The following FHL2 variants were observed in gnomAD, a reference collection of about 807,000 sequenced individuals.
FHL2 encodes four and a half LIM domains protein 2.
Under a neutral mutation model 32.7 loss-of-function variants are expected in FHL2, and 20 were observed. The ratio of observed to expected loss-of-function variants is 0.61; its 90% CI spans 0.43 to 0.89. The LOEUF is 0.89. Among genes scored for constraint, FHL2 ranks in the 40% least tolerant of loss-of-function variants. FHL2 has a pLI of 0.00. For synonymous variants in FHL2, 123 were observed against 128.1 expected, an observed-to-expected ratio of 0.96 and a Z score of 0.27; for missense variants, 311 against 358.6, an observed-to-expected ratio of 0.87 and a Z score of 1.07.
rs756076159 is a variant in FHL2 at position 105,363,377 on chromosome 2, C to T, written c.596G>A (p.Arg199His). 2.6e-5 allele frequency: 42 copies of T among 1,613,972 alleles called. No individual in the cohort carries two copies. Among genetic ancestry groups the T allele is most frequent in the East Asian group, 1.1e-4 (5 of 44,888 alleles). ...TACRKQLSGQ[R>H]FTARDDFAYC... ...GGCAAAGTCATCGCGAGCTGTGAAG[C>T]GCTGCCCAGACAGCTGCTTCCTGCA... The change falls in exon 6 of 7, where the codon CGC becomes CAC. Residue 199 changes from arginine to histidine, a missense_variant. Physicochemically the swap from Arg to His is conservative, Grantham distance 29. Transcript: ENST00000530340.
intron 1 of FHL2, 96 bp downstream of exon 1, chr2:105,398,746 C>G (rs1683321870): frequency 9.3e-7 from 1 of 1,079,282 alleles, no homozygotes; most frequent in Non-Finnish European, 1.2e-6. Flanking sequence ...CGGGTCTACC[C>G]CACAGCTCAA....
At chr2:105,430,670 C>G (rs1023350401) in intron 1 of FHL2, among the ~76,000 whole-genome samples, 1 of 152,150 alleles carries the variant, frequency 6.6e-6, no homozygotes, top group African/African-American at 2.4e-5. Flanking sequence ...CTCCATCTAA[C>G]AAAACCCTAG....
At chr2:105,361,703 AT>A (rs1680276577) in intron 6 of FHL2, among the ~76,000 whole-genome samples, 1 of 152,192 alleles carries the variant, frequency 6.6e-6, no homozygotes. Context: ...TGTATTTGTT[AT>A]GTGTTTTCCC....
intron 1 of FHL2, among the ~76,000 whole-genome samples, chr2:105,408,288 A>T (rs2104651915): frequency 6.6e-6 from 1 of 152,266 alleles, no homozygotes; most frequent in African/African-American, 2.4e-5. Context: ...CGTATTTTGG[A>T]TGTATAAATA....
rs1345700660 is a variant in FHL2, at chr2:105,438,482, GC to G, written c.-109del. On this transcript the variant is annotated 5_prime_UTR_variant, in exon 1 of 6. Coordinates refer to the FHL2 transcript ENST00000393352. ...TGCAGGCGGACTGCCTGGTTGGATG[GC>G]CCCAACCTTCTGTGCAGCTGCCAGC... 11 of 985,436 alleles carry G rather than the reference GC, an allele frequency of 1.1e-5. No individual in the cohort carries two copies. In the African/African-American group the frequency reaches 1.7e-4, roughly 16 times the overall value. The allele number at this position is 985,436 out of a possible 1,614,324, so 61.0% of individuals were successfully genotyped here.
At chr2:105,390,030 C>T (rs12328750) in intron 2 of FHL2, 11,312 of 152,142 alleles carry the variant, frequency 0.074, 542 homozygotes, top group African/African-American at 0.13. Context: ...AGATTGAGAC[C>T]ATCCTGGCTA....
intron 2 of FHL2, among the ~76,000 whole-genome samples, chr2:105,394,682 A>AT (rs1558712795): frequency 6.6e-6 from 1 of 152,230 alleles, no homozygotes; most frequent in Non-Finnish European, 1.5e-5. Flanking sequence ...AAATTGTTGG[A>AT]TTTTAAACAA....
At chr2:105,400,077 C>CT (rs1252108847), upstream of FHL2, among the ~76,000 whole-genome samples, 1 of 152,208 alleles carries the variant, frequency 6.6e-6, no homozygotes, top group Non-Finnish European at 1.5e-5. Context: ...ATCACCTTAG[C>CT]TTCCACTCGG....
chr2:105,372,914 G>T (rs1466201176), intron 4 of FHL2, among the ~76,000 whole-genome samples: 1 of 152,124 alleles, frequency 6.6e-6, no homozygotes. Flanking sequence ...TAAAATAAAA[G>T]ATTCTGCTCT....
intron 1 of FHL2, among the ~76,000 whole-genome samples, chr2:105,425,065 T>C (rs1684217614): frequency 6.6e-6 from 1 of 152,148 alleles, no homozygotes; most frequent in Admixed American, 6.5e-5. Context: ...TCACTGTGTC[T>C]ATGTAGAAAG....
chr2:105,412,079 G>T (rs1683810427), intron 1 of FHL2, among the ~76,000 whole-genome samples: 1 of 152,090 alleles, frequency 6.6e-6, no homozygotes, highest in Non-Finnish European at 1.5e-5. Context: ...CCCACTTCTG[G>T]GTATATATCT....
chr2:105,394,227 A>G (rs1682951962), intron 2 of FHL2, among the ~76,000 whole-genome samples: 2 of 152,152 alleles, frequency 1.3e-5, no homozygotes, highest in Non-Finnish European at 2.9e-5. Context: ...AATTCTGATA[A>G]AACGGAGAGG....
At chr2:105,371,471 A>G (rs533060465) in intron 4 of FHL2, among the ~76,000 whole-genome samples, 1 of 151,780 alleles carries the variant, frequency 6.6e-6, no homozygotes, top group Admixed American at 6.6e-5. Flanking sequence ...CTCTTCCCTG[A>G]GCCTCCAGCC....
chr2:105,390,361 T>C (rs1276341556), intron 2 of FHL2: 1 of 152,446 alleles, frequency 6.6e-6, no homozygotes, highest in Non-Finnish European at 1.5e-5. Context: ...ATGAATATCA[T>C]TATCAGTGAT....
intron 1 of FHL2, among the ~76,000 whole-genome samples, chr2:105,435,436 C>T (rs1224097641): frequency 6.6e-6 from 1 of 152,180 alleles, no homozygotes; most frequent in Non-Finnish European, 1.5e-5. Context: ...CTTGAAATTA[C>T]TCTAGATTTA....
chr2:105,402,095 G>GTGTATATATACACGTATATATACA (rs1558721147), upstream of FHL2, among the ~76,000 whole-genome samples: 1 of 118,778 alleles, frequency 8.4e-6, no homozygotes, highest in Non-Finnish European at 1.7e-5. Flanking sequence ...GTATATATAC[G>GTGTATATATACACGTATATATACA]TGTATATATA....
chr2:105,397,881 G>GTT (rs749684273), intron 1 of FHL2, among the ~76,000 whole-genome samples: 127 of 116,322 alleles, frequency 1.1e-3, no homozygotes, highest in African/African-American at 3.7e-3. Context: ...TTGTTTTTTT[G>GTT]TTTTTTGTTT....
intron 1 of FHL2, among the ~76,000 whole-genome samples, chr2:105,431,501 T>A (rs1321346493): frequency 6.6e-6 from 1 of 152,150 alleles, no homozygotes; most frequent in Non-Finnish European, 1.5e-5. Flanking sequence ...CTGACAGAGA[T>A]GCCAGCAGGT....
At chr2:105,412,048 G>C (rs181200536) in intron 1 of FHL2, among the ~76,000 whole-genome samples, 1 of 152,142 alleles carries the variant, frequency 6.6e-6, no homozygotes, top group Non-Finnish European at 1.5e-5. Flanking sequence ...TTCCGGTCAA[G>C]GTTAAGATAT....
Sources: allele counts gnomAD v4.1 joint callset (sites outside exome capture counted in the v4.1 genomes callset), GRCh38; gene constraint gnomAD v4.1.1; transcripts MANE v1.5; gene names NCBI Gene and HGNC (gene_info 2026-07-23, HGNC 2026-07-21).